Variants in DTWD2 observed in about 807,000 individuals in gnomAD.
The protein encoded by DTWD2 is tRNA-uridine aminocarboxypropyltransferase 2.
A neutral mutation model predicts 31.8 loss-of-function variants in DTWD2; 39 were observed. The observed-to-expected ratio is 1.22, with a 90% CI of 0.95 to 1.60. The LOEUF (loss-of-function observed/expected upper bound fraction) is 1.60, where lower values mean the gene tolerates loss of function less well. Ranked by LOEUF, DTWD2 falls within the 40% of genes most tolerant of loss-of-function variation. The pLI is 0.00. For synonymous variants in DTWD2, 180 were observed against 142.8 expected, an observed-to-expected ratio of 1.26 and a Z score of -1.86; for missense variants, 515 against 381.5, an observed-to-expected ratio of 1.35 and a Z score of -2.92.
chr5:118,891,268 C>G lies in DTWD2; in HGVS notation c.597+37269G>C, dbSNP rs563714378. On this transcript the variant is annotated intron_variant, in intron 4 of 5. Transcript: ENST00000510708. Reference sequence around the variant, plus strand: ...GGTCAAGTATTTTTTTTTTAGCCATCTGTTCCCACTATGCAATCCACATCA... The same window carrying G: ...GGTCAAGTATTTTTTTTTTAGCCATGTGTTCCCACTATGCAATCCACATCA... Among the ~76,000 whole-genome samples, 3 of 151,852 alleles carry G rather than the reference C, an allele frequency of 2.0e-5. No homozygotes were observed. The South Asian group carries it at 6.2e-4, about 31-fold the overall frequency.
chr5:118,841,112 A>G (rs753873411), intron 5 of DTWD2, 25 bp from the exon 6 acceptor site: 2 of 1,585,732 alleles, frequency 1.3e-6, no homozygotes, highest in South Asian at 2.3e-5. Context: ...AAGACACTAA[A>G]AAAGTATCTG....
At chr5:118,950,109 T>C (rs1177779340) in intron 1 of DTWD2, among the ~76,000 whole-genome samples, 4 of 146,224 alleles carry the variant, frequency 2.7e-5, no homozygotes, top group Non-Finnish European at 5.9e-5. Flanking sequence ...ATTCAGGAGG[T>C]TGAGGTGGGA....
In DTWD2 at chr5:118,920,760, G is replaced by A. The variant is rs142999735; in HGVS notation, c.597+7777C>T. Among the ~76,000 whole-genome samples the A allele has an allele frequency of 5.3e-5, 8 of 152,214 alleles. No individual in the cohort carries two copies. In the East Asian group the frequency reaches 1.5e-3, roughly 29 times the overall value. On this transcript the variant is annotated intron_variant, in intron 4 of 5. Transcript: ENST00000510708. The stretch of plus-strand genomic sequence containing the variant: ...TATTACAGTTATATTCATAAGATTA[G>A]TCTGTTTATATCTATGTGTTATTGT...
At chr5:118,943,380 T>C (rs1175695546) in intron 2 of DTWD2, among the ~76,000 whole-genome samples, 2 of 151,866 alleles carry the variant, frequency 1.3e-5, no homozygotes, top group African/African-American at 4.8e-5. Flanking sequence ...TGAAACCCCG[T>C]CTCTACTAAA....
chr5:118,895,617 T>C (rs549994272), intron 4 of DTWD2, among the ~76,000 whole-genome samples: 2 of 152,282 alleles, frequency 1.3e-5, no homozygotes, highest in African/African-American at 4.8e-5. Flanking sequence ...AATTACACTA[T>C]AAAGCTATAG....
At chr5:118,891,771 A>C (rs1223404558) in intron 4 of DTWD2, among the ~76,000 whole-genome samples, 1 of 152,260 alleles carries the variant, frequency 6.6e-6, no homozygotes, top group Non-Finnish European at 1.5e-5. Context: ...GAAATGTATT[A>C]CAAACCTTTA....
chr5:118,914,750 CAAGT>C (rs931482773), intron 4 of DTWD2, among the ~76,000 whole-genome samples: 1 of 152,046 alleles, frequency 6.6e-6, no homozygotes, highest in Non-Finnish European at 1.5e-5. Flanking sequence ...TAAAATAAAA[CAAGT>C]AAGGGTGGTT....
chr5:118,909,939 T>C (rs1472363900), intron 4 of DTWD2, among the ~76,000 whole-genome samples: 2 of 152,164 alleles, frequency 1.3e-5, no homozygotes, highest in Non-Finnish European at 2.9e-5. Context: ...ACATAAGATA[T>C]TCATTTACTG....
intron 4 of DTWD2, among the ~76,000 whole-genome samples, chr5:118,849,807 G>C (rs1198153241): frequency 6.6e-6 from 1 of 152,062 alleles, no homozygotes; most frequent in Non-Finnish European, 1.5e-5. Context: ...GTTTTCACTT[G>C]TAAGTGGGAG....
At chr5:118,895,294 T>A (rs941796186) in intron 4 of DTWD2, among the ~76,000 whole-genome samples, 3 of 152,076 alleles carry the variant, frequency 2.0e-5, no homozygotes, top group Admixed American at 2.0e-4. Flanking sequence ...GATGAATACA[T>A]TTCATCAAGG....
intron 5 of DTWD2, among the ~76,000 whole-genome samples, chr5:118,845,243 T>C (rs75267420): frequency 0.013 from 2,031 of 152,254 alleles, 49 homozygotes; most frequent in African/African-American, 0.046. Flanking sequence ...CCCACCATCT[T>C]AAGGTTTTAT....
chr5:118,882,140 A>C (rs993566214), intron 4 of DTWD2, among the ~76,000 whole-genome samples: 1 of 152,204 alleles, frequency 6.6e-6, no homozygotes, highest in African/African-American at 2.4e-5. Context: ...TCCCATCCCA[A>C]ATGGGAGAAA....
At chr5:118,949,087 C>CT (rs1754401912) in intron 1 of DTWD2, among the ~76,000 whole-genome samples, 1 of 151,530 alleles carries the variant, frequency 6.6e-6, no homozygotes, top group South Asian at 2.1e-4. Flanking sequence ...ACGCGATATT[C>CT]TTTTGAGAAC....
intron 1 of DTWD2, among the ~76,000 whole-genome samples, chr5:118,978,175 C>A (rs1211637183): frequency 6.6e-6 from 1 of 151,540 alleles, no homozygotes; most frequent in Non-Finnish European, 1.5e-5. Flanking sequence ...CCATATGCAG[C>A]AGAAAGTTGA....
chr5:118,931,268 A>G lies in DTWD2; in HGVS notation c.405-2539T>C, dbSNP rs963104755. ...AAATCAGCCAAGCATGGTGGCGTGC[A>G]CCTATGGTCCCAGCTACTCGGGAAG... On this transcript the variant is annotated intron_variant, in intron 3 of 5. Transcript: ENST00000510708. 3.9e-5 allele frequency among the ~76,000 whole-genome samples: 6 copies of G among 151,918 alleles called. 1 individual carries two copies. Among genetic ancestry groups the G allele is most frequent in the African/African-American group, 1.5e-4 (6 of 41,376 alleles).
chr5:118,905,973 T>G (rs979164404), intron 4 of DTWD2, among the ~76,000 whole-genome samples: 18 of 152,148 alleles, frequency 1.2e-4, no homozygotes, highest in African/African-American at 4.3e-4. Context: ...TACTGAAGAC[T>G]TGTATCCAGA....
intron 4 of DTWD2, among the ~76,000 whole-genome samples, chr5:118,861,293 G>T (rs1561430499): frequency 6.6e-6 from 1 of 152,210 alleles, no homozygotes; most frequent in Non-Finnish European, 1.5e-5. Context: ...TATGATTAGA[G>T]TAAGCATTTG....
At chr5:118,970,626 G>A (rs779321656) in intron 1 of DTWD2, among the ~76,000 whole-genome samples, 1 of 152,022 alleles carries the variant, frequency 6.6e-6, no homozygotes, top group Non-Finnish European at 1.5e-5. Context: ...TTCAAATTCA[G>A]GAAATTCAGG....
intron 4 of DTWD2, among the ~76,000 whole-genome samples, chr5:118,875,615 C>T (rs1265874199): frequency 1.2e-5 from 1 of 83,196 alleles, no homozygotes. Context: ...TCATAAAAGA[C>T]AAAAAGGTGC....
Sources: gnomAD v4.1 joint callset for allele counts (sites outside exome capture counted in the v4.1 genomes callset) on GRCh38, gnomAD v4.1.1 for gene constraint, MANE v1.5 for transcripts, NCBI Gene and HGNC (gene_info 2026-07-23, HGNC 2026-07-21) for gene names.